POLB: variants seen among roughly 807,000 people sequenced by gnomAD.
The protein encoded by POLB is DNA polymerase beta.
In POLB, 37 loss-of-function variants were observed where a neutral mutation model predicts 52.7. The observed-to-expected ratio is 0.70, with a 90% CI of 0.54 to 0.92. POLB has a LOEUF of 0.92. Among genes scored for constraint, POLB ranks in the 40% least tolerant of loss-of-function variants. The pLI is 0.00. For synonymous variants in POLB, 138 were observed against 131.3 expected (o/e 1.05, Z -0.35); for missense variants, 313 against 400.8 (o/e 0.78, Z 1.87).
chr8:42,346,445 T>C (rs902556802), intron 3 of POLB, among the ~76,000 whole-genome samples: 6 of 151,372 alleles, frequency 4.0e-5, no homozygotes, highest in Admixed American at 2.6e-4. Flanking sequence ...AGTGGTGGCA[T>C]AATCACAGCT....
chr8:42,341,711 TCTGTCCATAAG>T, intron 2 of POLB: 1 of 291,314 alleles, frequency 3.4e-6, no homozygotes, highest in Non-Finnish European at 6.7e-6. Flanking sequence ...ATTTTTTTTT[TCTGTCCATAAG>T]TTTATTGTCT....
At chr8:42,345,504 T>G (rs1822555025) in intron 3 of POLB, among the ~76,000 whole-genome samples, 1 of 152,248 alleles carries the variant, frequency 6.6e-6, no homozygotes, top group South Asian at 2.1e-4. Flanking sequence ...CCACGAAGCC[T>G]TGTGTACTGT....
intron 9 of POLB, chr8:42,357,697 G>T: frequency 3.6e-6 from 1 of 277,236 alleles, no homozygotes; most frequent in Non-Finnish European, 6.6e-6. Context: ...GTGAAGTTGT[G>T]GGTAGTTTTG....
At chr8:42,340,379 A>G (rs1234824880) in intron 2 of POLB, among the ~76,000 whole-genome samples, 1 of 152,230 alleles carries the variant, frequency 6.6e-6, no homozygotes, top group East Asian at 1.9e-4. Context: ...TAAAACGACT[A>G]TATAAGATTA....
Position 42,341,113 on chromosome 8 carries a change from A to G in POLB, c.119+2044A>G, listed in dbSNP as rs533442917. On this transcript the variant is annotated intron_variant, in intron 2 of 13. Coordinates refer to ENST00000265421, the MANE Select transcript of POLB (RefSeq NM_002690.3). ...GCAGGTGATTCCCTACCACTCCTGC[A>G]TGCTCCTCCCTACCCCAGTAGACAT... 4.6e-5 allele frequency among the ~76,000 whole-genome samples: 7 copies of G among 152,348 alleles called. No homozygotes were observed. The East Asian group carries it at 9.6e-4, about 21-fold the overall frequency.
At chr8:42,346,589 TTGTTA>T (rs2130789983) in intron 3 of POLB, among the ~76,000 whole-genome samples, 1 of 152,120 alleles carries the variant, frequency 6.6e-6, no homozygotes, top group Non-Finnish European at 1.5e-5. Flanking sequence ...AGATTGGATC[TTGTTA>T]TGTTGCCCAG....
intron 6 of POLB, among the ~76,000 whole-genome samples, chr8:42,354,691 G>A (rs1170581567): frequency 1.3e-5 from 2 of 151,506 alleles, no homozygotes; most frequent in Admixed American, 6.6e-5. Flanking sequence ...TTACAGGCGC[G>A]CACCACCATG....
chr8:42,346,754 T>G (rs1822642004), intron 3 of POLB, among the ~76,000 whole-genome samples: 1 of 152,152 alleles, frequency 6.6e-6, no homozygotes, highest in Admixed American at 6.5e-5. Flanking sequence ...TCTTGGACAT[T>G]GTGTGATTTA....
intron 4 of POLB, chr8:42,349,350 C>T (rs1822824758): frequency 3.5e-6 from 1 of 287,574 alleles, no homozygotes; most frequent in Non-Finnish European, 6.4e-6. Context: ...AGATTATAAA[C>T]TTTGACTGAA....
chr8:42,369,394 C>T (rs904044825), intron 12 of POLB, 59 bp downstream of exon 12: 1 of 983,938 alleles, frequency 1.0e-6, no homozygotes, highest in Non-Finnish European at 1.6e-6. Flanking sequence ...TCGTTTTCTC[C>T]CTCCCTGTTT....
chr8:42,344,860 C>T, intron 2 of POLB, 93 bp from the exon 3 acceptor site: 1 of 774,244 alleles, frequency 1.3e-6, no homozygotes, highest in Non-Finnish European at 2.3e-6. Flanking sequence ...AAAGCATAAG[C>T]ATAGATATTT....
intron 5 of POLB, among the ~76,000 whole-genome samples, chr8:42,351,747 T>C (rs1490658721): frequency 6.6e-6 from 1 of 152,250 alleles, no homozygotes. Flanking sequence ...TCAGATTTTA[T>C]CATTGCTTTG....
intron 4 of POLB, 127 bp from the exon 5 acceptor site, chr8:42,349,880 G>A (rs770336406): frequency 4.5e-6 from 3 of 669,008 alleles, no homozygotes; most frequent in Non-Finnish European, 5.4e-6. Flanking sequence ...GAATAATTTT[G>A]TGTGGGTCAC....
At chr8:42,339,117 G>T in intron 2 of POLB, 48 bp downstream of exon 2, 1 of 1,414,572 alleles carries the variant, frequency 7.1e-7, no homozygotes, top group Non-Finnish European at 1.0e-6. Flanking sequence ...GGGATACCCT[G>T]TTTAGTGTGG....
chr8:42,364,378 A>G (rs993172413), intron 11 of POLB, among the ~76,000 whole-genome samples: 4 of 151,940 alleles, frequency 2.6e-5, no homozygotes, highest in African/African-American at 7.3e-5. Context: ...GCAGGTGCGC[A>G]CCACCATACC....
intron 3 of POLB, among the ~76,000 whole-genome samples, chr8:42,347,200 C>A (rs1041489698): frequency 1.1e-3 from 161 of 151,876 alleles, no homozygotes; most frequent in African/African-American, 3.7e-3. Context: ...ATCATTATTC[C>A]TTTTCACAAT....
chr8:42,356,279 G>A (rs1423184589), intron 7 of POLB, among the ~76,000 whole-genome samples: 1 of 152,174 alleles, frequency 6.6e-6, no homozygotes, highest in African/African-American at 2.4e-5. Context: ...GACCTGGATG[G>A]TATGGTTCTT....
At chr8:42,355,113 A>T (rs1284657535) in intron 6 of POLB, among the ~76,000 whole-genome samples, 2 of 151,644 alleles carry the variant, frequency 1.3e-5, no homozygotes, top group Non-Finnish European at 2.9e-5. Context: ...ATCTCGGCTC[A>T]CTGCAGCTTC....
intron 13 of POLB, chr8:42,370,304 C>G: frequency 2.6e-6 from 1 of 379,864 alleles, no homozygotes. Context: ...TAATGTACCT[C>G]TAGGACCCCT....
Sources: gnomAD v4.1 joint callset for allele counts (sites outside exome capture counted in the v4.1 genomes callset) on GRCh38, gnomAD v4.1.1 for gene constraint, MANE v1.5 for transcripts, NCBI Gene and HGNC (gene_info 2026-07-23, HGNC 2026-07-21) for gene names.